Variants in RYR3 observed in about 807,000 individuals in gnomAD.
The protein encoded by RYR3 is brain ryanodine receptor-calcium release channel.
In RYR3, 207 loss-of-function variants were observed where a neutral mutation model predicts 584.3. The ratio of observed to expected loss-of-function variants is 0.35; its 90% CI spans 0.32 to 0.40. RYR3 has a LOEUF of 0.40. Among genes scored for constraint, RYR3 ranks in the 10% least tolerant of loss-of-function variants. The pLI, the probability that RYR3 is intolerant of heterozygous loss-of-function variation, is 1.00. For synonymous variants in RYR3, 2,416 were observed against 2,248.5 expected, an observed-to-expected ratio of 1.07 and a Z score of -2.11; for missense variants, 5,616 against 6,089.2, an observed-to-expected ratio of 0.92 and a Z score of 2.59.
At chr15:33,702,077 G>A (rs750371875) in intron 42 of RYR3, among the ~76,000 whole-genome samples, 5 of 152,146 alleles carry the variant, frequency 3.3e-5, no homozygotes, top group Non-Finnish European at 7.4e-5. Flanking sequence ...CCCTTTCATT[G>A]TTGCCTGCCA....
At chr15:33,627,917 G>T (rs1021450925) in intron 20 of RYR3, among the ~76,000 whole-genome samples, 1 of 152,162 alleles carries the variant, frequency 6.6e-6, no homozygotes, top group African/African-American at 2.4e-5. Context: ...CTGATTAGAT[G>T]GGGGAGTAGT....
In RYR3 at chr15:33,321,034, T is replaced by C. The variant is rs997256030; in HGVS notation, c.51+9938T>C. Among the ~76,000 whole-genome samples, 5 of 152,350 alleles carry C rather than the reference T, an allele frequency of 3.3e-5. No individual in the cohort carries two copies. In the East Asian group the frequency reaches 9.6e-4, roughly 29 times the overall value. ...AGTACAGATTGGGAGGTCAGTTCTC[T>C]GAGCGTCTACTTTGCAAAGCCTCTT... On this transcript the variant is annotated intron_variant, in intron 1 of 103. Transcript: ENST00000634891.
At chr15:33,399,285 T>C (rs1273965582) in intron 1 of RYR3, among the ~76,000 whole-genome samples, 2 of 152,170 alleles carry the variant, frequency 1.3e-5, no homozygotes, top group Non-Finnish European at 2.9e-5. Flanking sequence ...AAGTTCTGCA[T>C]TGTTACATTT....
chr15:33,792,660 G>T (rs534934257), intron 67 of RYR3, among the ~76,000 whole-genome samples: 1 of 152,324 alleles, frequency 6.6e-6, no homozygotes, highest in African/African-American at 2.4e-5. Flanking sequence ...ACAAAATTTA[G>T]CTGAGTGAAA....
chr15:33,597,875 A>T (rs989927463), intron 16 of RYR3, among the ~76,000 whole-genome samples: 4 of 151,766 alleles, frequency 2.6e-5, no homozygotes, highest in African/African-American at 9.7e-5. Context: ...CAATGGAAGT[A>T]CATTTTATAG....
chr15:33,662,672 A>G lies in RYR3; in HGVS notation c.5142A>G (p.Val1714=), dbSNP rs1566903661. The G allele has an allele frequency of 7.4e-6, 12 of 1,614,124 alleles. No homozygotes were observed. Among genetic ancestry groups the G allele is most frequent in the Non-Finnish European group, 1.0e-5 (12 of 1,179,972 alleles). The part of the protein sequence containing the change: ...QCSGAHIRDP[V]GGSVEFQFVP... ...GCGGGGCCCACATCCGAGACCCTGT[A>G]GGGGGGTCTGTGGAGTTCCAGTTTG... The change falls in exon 35 of 104, where the codon GTA becomes GTG. Residue 1714 remains valine (V), a synonymous_variant. Transcript: ENST00000634891.
chr15:33,671,031 A>G (rs1016729364), intron 38 of RYR3, among the ~76,000 whole-genome samples: 8 of 152,142 alleles, frequency 5.3e-5, no homozygotes, highest in African/African-American at 1.7e-4. Flanking sequence ...GATTTGGGGT[A>G]TGATTTTTGA....
rs2054864192 is a variant in RYR3 at position 33,531,482 on chromosome 15, C to G, written c.354+816C>G. On this transcript the variant is annotated intron_variant, in intron 4 of 103. Transcript: ENST00000634891. ...GGTGTAAGAAAGGCTTGTCATTTTC[C>G]TCTAGCCCTAGTGGAAAACTGATAC... Among the ~76,000 whole-genome samples the G allele has an allele frequency of 1.3e-5, 2 of 151,978 alleles. 1 individual carries two copies. Among genetic ancestry groups the G allele is most frequent in the Non-Finnish European group, 2.9e-5 (2 of 67,992 alleles).
At chr15:33,522,425 G>C (rs1482064317) in intron 3 of RYR3, among the ~76,000 whole-genome samples, 1 of 152,120 alleles carries the variant, frequency 6.6e-6, no homozygotes, top group African/African-American at 2.4e-5. Context: ...TTTCTTAGGG[G>C]GGAAAAACCT....
rs574464697 is a variant in RYR3, at chr15:33,403,493, AT to A, written c.52-69921del. Among the ~76,000 whole-genome samples the A allele has an allele frequency of 1.6e-3, 249 of 152,324 alleles. 1 individual carries two copies. The highest frequency in any genetic ancestry group is 5.7e-3 in the African/African-American group (239 of 41,582). On this transcript the variant is annotated intron_variant, in intron 1 of 103. Coordinates refer to ENST00000634891, the MANE Select transcript of RYR3 (RefSeq NM_001036.6). ...AATACTTTTGAAGTGTCAATAGTACATTTTTCCAGTAATGTGTATGCCCAAT... is the reference window on the plus strand; with the variant it reads ...AATACTTTTGAAGTGTCAATAGTACATTTTCCAGTAATGTGTATGCCCAAT...
Position 33,539,503 on chromosome 15 carries a change from T to A in RYR3, c.546+41T>A, listed in dbSNP as rs554656900. The A allele has an allele frequency of 8.7e-5, 117 of 1,343,702 alleles. No individual in the cohort carries two copies. In the African/African-American group the frequency reaches 1.6e-3, roughly 18 times the overall value. 83.2% of individuals were successfully genotyped at this position (1,343,702 alleles called of 1,614,324 possible). A position where few individuals can be genotyped will look rare whatever the true frequency, so the allele number is the denominator to read the frequency against. On this transcript the variant is annotated intron_variant, in intron 6 of 103. Coordinates refer to ENST00000634891, the MANE Select transcript of RYR3 (RefSeq NM_001036.6). Reference sequence around the variant, plus strand: ...TATAAGAGTCTTCTGTTTTCAGAAATTTTTCCTTTAGGAATAGATGGCCAT... The same window carrying A: ...TATAAGAGTCTTCTGTTTTCAGAAAATTTTCCTTTAGGAATAGATGGCCAT...
chr15:33,799,578 A>G (rs2075809015), intron 67 of RYR3, among the ~76,000 whole-genome samples: 1 of 152,194 alleles, frequency 6.6e-6, no homozygotes, highest in Non-Finnish European at 1.5e-5. Flanking sequence ...CATCTCTTTC[A>G]TTTGGCTATT....
At chr15:33,848,608 T>G (rs1456110373) in intron 94 of RYR3, among the ~76,000 whole-genome samples, 187 bp downstream of exon 94, 2 of 152,210 alleles carry the variant, frequency 1.3e-5, no homozygotes, top group African/African-American at 4.8e-5. Context: ...TCTATTAGTT[T>G]AATGGGGACA....
chr15:33,652,834 G>A lies in RYR3; in HGVS notation c.4259G>A (p.Gly1420Asp). 1 of 1,613,676 alleles carries A rather than the reference G, an allele frequency of 6.2e-7. No individual in the cohort carries two copies. The highest frequency in any genetic ancestry group is 8.5e-7 in the Non-Finnish European group (1 of 1,179,788). ...GGCTGTCTCGTGGATCTGGCCATGG[G>A]CATGTTGTCCTTCTCAGCCAATGGA... ...EIGCLVDLAM[G>D]MLSFSANGKE... Residue 1420 changes from glycine (G) to aspartate (D), a missense_variant, in exon 32 of 104, where the codon GGC (glycine) becomes GAC (aspartate). This residue lies in a region of RYR3 where 753 missense variants were observed against 741.0 expected (regional missense o/e 1.02). Transcript: ENST00000634891.
At chr15:33,539,292 A>G in intron 5 of RYR3, 58 bp from the exon 6 acceptor site, 1 of 1,162,424 alleles carries the variant, frequency 8.6e-7, no homozygotes, top group African/African-American at 1.5e-5. Context: ...AACAAGGAGC[A>G]AAATTAGGGA....
At chr15:33,782,567 A>AGAAT (rs151049247) in intron 65 of RYR3, among the ~76,000 whole-genome samples, 10,332 of 152,264 alleles carry the variant, frequency 0.068, 363 homozygotes, top group Non-Finnish European at 0.092. Flanking sequence ...CTAGAGCCGG[A>AGAAT]GAATGACTGT....
intron 1 of RYR3, among the ~76,000 whole-genome samples, chr15:33,339,350 T>A (rs182050932): frequency 8.8e-4 from 134 of 152,310 alleles, no homozygotes; most frequent in African/African-American, 3.1e-3. Flanking sequence ...TTGGAGAGGA[T>A]GAAAGACTAA....
intron 70 of RYR3, among the ~76,000 whole-genome samples, chr15:33,809,481 C>T (rs1342379032): frequency 1.3e-5 from 2 of 152,136 alleles, no homozygotes; most frequent in Non-Finnish European, 2.9e-5. Flanking sequence ...AAATCTGAGT[C>T]ACCGCCTTGT....
At chr15:33,437,709 C>G (rs2045858176) in intron 1 of RYR3, among the ~76,000 whole-genome samples, 1 of 152,170 alleles carries the variant, frequency 6.6e-6, no homozygotes, top group African/African-American at 2.4e-5. Context: ...TACCTCTTCT[C>G]TAATACCACA....
Sources: gnomAD v4.1 joint callset for allele counts (sites outside exome capture counted in the v4.1 genomes callset) on GRCh38, gnomAD v4.1.1 for gene constraint, gnomAD v4.1.1 regional missense constraint, MANE v1.5 for transcripts, NCBI Gene and HGNC (gene_info 2026-07-23, HGNC 2026-07-21) for gene names.